The following GLIS3 variants were observed in gnomAD, a reference collection of about 807,000 sequenced individuals.
GLIS3 encodes zinc finger protein GLIS3.
In GLIS3, 53 loss-of-function variants were observed where a neutral mutation model predicts 78.6. The observed-to-expected ratio is 0.67, with a 90% CI of 0.54 to 0.85. GLIS3 has a LOEUF of 0.85. GLIS3 is among the 40% of genes least tolerant of loss of function. GLIS3 has a pLI of 0.00. For synonymous variants in GLIS3, 684 were observed against 509.9 expected (o/e 1.34, Z -4.60); for missense variants, 1,703 against 1,231.1 (o/e 1.38, Z -5.74).
chr9:4,099,910 A>G (rs1830235742), intron 4 of GLIS3, among the ~76,000 whole-genome samples: 1 of 152,170 alleles, frequency 6.6e-6, no homozygotes, highest in Admixed American at 6.5e-5. Context: ...TAACATAAAG[A>G]CTTCGTCATC....
At chr9:4,412,247 T>A in the GLIS3 span, among the ~76,000 whole-genome samples, 2 of 152,204 alleles carry the variant, frequency 1.3e-5, no homozygotes, top group African/African-American at 2.4e-5. Flanking sequence ...GAAATTAAGT[T>A]GCGAGAGGTG....
intron 9 of GLIS3, among the ~76,000 whole-genome samples, chr9:3,854,923 T>G (rs1425632105): frequency 6.6e-6 from 1 of 152,206 alleles, no homozygotes; most frequent in African/African-American, 2.4e-5. Flanking sequence ...ACACTCAATT[T>G]GCATATTGAT....
intron 2 of GLIS3, among the ~76,000 whole-genome samples, chr9:4,273,681 C>T (rs149666273): frequency 2.8e-3 from 430 of 152,114 alleles, no homozygotes; most frequent in African/African-American, 0.01. Context: ...GAAGTAAATG[C>T]CATTTTCTGT....
At chr9:3,881,103 T>G (rs1357750369) in intron 7 of GLIS3, among the ~76,000 whole-genome samples, 1 of 152,148 alleles carries the variant, frequency 6.6e-6, no homozygotes, top group Non-Finnish European at 1.5e-5. Flanking sequence ...GAACCACAAT[T>G]CTGCTTGTAT....
At chr9:4,260,979 A>G (rs1169225336) in intron 2 of GLIS3, among the ~76,000 whole-genome samples, 1 of 152,232 alleles carries the variant, frequency 6.6e-6, no homozygotes, top group Non-Finnish European at 1.5e-5. Flanking sequence ...AATTACATCC[A>G]TGGCTCACAT....
the GLIS3 span, among the ~76,000 whole-genome samples, chr9:4,421,701 G>T: frequency 6.6e-6 from 1 of 152,190 alleles, no homozygotes; most frequent in African/African-American, 2.4e-5. Flanking sequence ...CAGCAAACTT[G>T]TTCTGAGAAT....
At chr9:4,057,388 CTAA>C (rs1334445284) in intron 4 of GLIS3, among the ~76,000 whole-genome samples, 2 of 152,046 alleles carry the variant, frequency 1.3e-5, no homozygotes, top group Non-Finnish European at 2.9e-5. Context: ...GGATCCATCC[CTAA>C]TAAAGATATC....
the GLIS3 span, among the ~76,000 whole-genome samples, chr9:4,417,290 G>A: frequency 6.6e-6 from 1 of 152,036 alleles, no homozygotes; most frequent in Middle Eastern, 3.2e-3. Flanking sequence ...GTGTTGTTGG[G>A]GACTGATATT....
intron 4 of GLIS3, among the ~76,000 whole-genome samples, chr9:4,010,514 T>G (rs1405298426): frequency 6.6e-6 from 1 of 152,004 alleles, no homozygotes. Context: ...TGTGTACAAA[T>G]TGGAAAGCAG....
intron 8 of GLIS3, among the ~76,000 whole-genome samples, chr9:3,861,788 G>A (rs1254892027): frequency 6.6e-6 from 1 of 152,154 alleles, no homozygotes; most frequent in African/African-American, 2.4e-5. Context: ...CCTGTTAGTG[G>A]GTGCAGGGGA....
chr9:3,894,642 C>T (rs1210918180), intron 7 of GLIS3, among the ~76,000 whole-genome samples: 2 of 152,028 alleles, frequency 1.3e-5, no homozygotes, highest in South Asian at 2.1e-4. Flanking sequence ...GAGAATAACA[C>T]GTGACTTCAA....
chr9:3,987,890 A>C lies in GLIS3; in HGVS notation c.1711-50701T>G, dbSNP rs572877085. On this transcript the variant is annotated intron_variant, in intron 4 of 10. Coordinates refer to ENST00000381971, the MANE Select transcript of GLIS3 (RefSeq NM_001042413.2). The stretch of plus-strand genomic sequence containing the variant: ...AACACATCATAATTAAAAATTTAAA[A>C]TCTAAAGAGAAAGAAGATCTTGAAA... Among the ~76,000 whole-genome samples, 3 of 152,096 alleles carry C rather than the reference A, an allele frequency of 2.0e-5. 1 individual carries two copies. In the South Asian group the frequency reaches 6.2e-4, roughly 32 times the overall value.
chr9:4,139,479 T>C (rs139838130), intron 2 of GLIS3, among the ~76,000 whole-genome samples: 1 of 152,314 alleles, frequency 6.6e-6, no homozygotes, highest in East Asian at 1.9e-4. Flanking sequence ...ACTGTTGATA[T>C]GTCTCTAAAT....
chr9:3,858,718 A>T (rs1819956371), intron 8 of GLIS3, among the ~76,000 whole-genome samples: 3 of 152,216 alleles, frequency 2.0e-5, no homozygotes, highest in Admixed American at 6.5e-5. Context: ...AAGAAATAGT[A>T]CAAAAATGTT....
At chr9:4,039,334 C>G (rs570472220) in intron 4 of GLIS3, among the ~76,000 whole-genome samples, 17 of 152,304 alleles carry the variant, frequency 1.1e-4, no homozygotes, top group Non-Finnish European at 2.2e-4. Flanking sequence ...GCAGTATTAT[C>G]TAGCCACTGA....
At chr9:4,204,428 A>T (rs1372078425) in intron 2 of GLIS3, among the ~76,000 whole-genome samples, 5 of 152,138 alleles carry the variant, frequency 3.3e-5, no homozygotes, top group Admixed American at 3.3e-4. Context: ...GAAGATACAG[A>T]ATATGAAAGG....
chr9:4,013,843 A>G (rs1822230902), intron 4 of GLIS3, among the ~76,000 whole-genome samples: 2 of 152,212 alleles, frequency 1.3e-5, no homozygotes. Context: ...GGGACGAGGC[A>G]AAGCACATGA....
intron 2 of GLIS3, among the ~76,000 whole-genome samples, chr9:4,170,532 C>G (rs1252240418): frequency 6.6e-5 from 10 of 152,172 alleles, no homozygotes; most frequent in Non-Finnish European, 1.5e-5. Context: ...AGACAGTCAT[C>G]TAGGAGCACA....
intron 6 of GLIS3, among the ~76,000 whole-genome samples, chr9:3,915,547 C>G (rs1824453081): frequency 6.6e-6 from 1 of 152,074 alleles, no homozygotes; most frequent in South Asian, 2.1e-4. Context: ...TTTTTCTTTT[C>G]CAGATGCCCT....
Sources: gnomAD v4.1 joint callset for allele counts (sites outside exome capture counted in the v4.1 genomes callset) on GRCh38, gnomAD v4.1.1 for gene constraint, MANE v1.5 for transcripts, NCBI Gene and HGNC (gene_info 2026-07-23, HGNC 2026-07-21) for gene names.